Variants in LYPLAL1 observed in about 807,000 individuals in gnomAD.
LYPLAL1 encodes the protein lysophospholipase-like protein 1.
In LYPLAL1, 23 loss-of-function variants were observed where a neutral mutation model predicts 19.7. The observed-to-expected ratio is 1.17, with a 90% CI of 0.84 to 1.65. The LOEUF is 1.65. LYPLAL1 is among the 40% of genes most tolerant of loss of function. The pLI, the probability that LYPLAL1 is intolerant of heterozygous loss-of-function variation, is 0.00. For missense variants in LYPLAL1, 355 were observed against 279.4 expected (o/e 1.27, Z -1.93); for synonymous variants, 119 against 96.3 (o/e 1.24, Z -1.38).
the LYPLAL1 span, among the ~76,000 whole-genome samples, chr1:219,286,080 A>C: frequency 6.6e-6 from 1 of 152,148 alleles, no homozygotes; most frequent in Admixed American, 6.5e-5. Context: ...CAAGCAGATA[A>C]CTGAAGCTCT....
intron 3 of LYPLAL1, chr1:219,198,463 T>G (rs1657796564): frequency 6.6e-6 from 1 of 152,044 alleles, no homozygotes; most frequent in Non-Finnish European, 1.5e-5. Context: ...GTAATTAAGA[T>G]TTTATCATGA....
the LYPLAL1 span, among the ~76,000 whole-genome samples, chr1:219,395,457 C>T: frequency 0.11 from 16,391 of 152,044 alleles, 1,237 homozygotes; most frequent in Non-Finnish European, 0.17. Flanking sequence ...CCTTTGCCCA[C>T]TTTTTAGTGG....
chr1:219,334,666 A>G, the LYPLAL1 span, among the ~76,000 whole-genome samples: 7 of 152,092 alleles, frequency 4.6e-5, no homozygotes, highest in East Asian at 1.2e-3. Flanking sequence ...CCGGCATCTA[A>G]TATAATCCTT....
chr1:219,402,858 T>A, the LYPLAL1 span, among the ~76,000 whole-genome samples: 1 of 152,204 alleles, frequency 6.6e-6, no homozygotes, highest in East Asian at 1.9e-4. Context: ...AGAAAAGGGT[T>A]ATTATGTTTT....
At chr1:219,293,069 G>T in the LYPLAL1 span, among the ~76,000 whole-genome samples, 1 of 152,176 alleles carries the variant, frequency 6.6e-6, no homozygotes, top group African/African-American at 2.4e-5. Flanking sequence ...AAGGAAACCA[G>T]TTCTACTGCG....
chr1:219,284,785 G>C, the LYPLAL1 span, among the ~76,000 whole-genome samples: 1 of 152,222 alleles, frequency 6.6e-6, no homozygotes, highest in Non-Finnish European at 1.5e-5. Context: ...AGTTGGGGCT[G>C]GCTCCCAGGC....
chr1:219,279,750 A>G, the LYPLAL1 span, among the ~76,000 whole-genome samples: 2 of 152,160 alleles, frequency 1.3e-5, no homozygotes, highest in Admixed American at 6.6e-5. Context: ...TCACAACAGT[A>G]TTTTCAACTA....
At chr1:219,367,953 T>TG in the LYPLAL1 span, among the ~76,000 whole-genome samples, 1 of 151,870 alleles carries the variant, frequency 6.6e-6, no homozygotes, top group African/African-American at 2.4e-5. Flanking sequence ...CAATTTTTTT[T>TG]TTTTTTTGGT....
the LYPLAL1 span, chr1:219,222,221 C>G: frequency 6.6e-6 from 1 of 152,144 alleles, no homozygotes; most frequent in South Asian, 2.1e-4. Flanking sequence ...GAGAGTGACA[C>G]TATGCAGTAA....
chr1:219,351,772 A>G, the LYPLAL1 span, among the ~76,000 whole-genome samples: 6 of 152,246 alleles, frequency 3.9e-5, no homozygotes, highest in African/African-American at 1.4e-4. Context: ...AAATACAAAC[A>G]ATTAATTAGG....
the LYPLAL1 span, among the ~76,000 whole-genome samples, chr1:219,383,400 C>CT: frequency 6.6e-6 from 1 of 152,178 alleles, no homozygotes. Context: ...ATTTATGACA[C>CT]TTTAACTAAT....
the LYPLAL1 span, among the ~76,000 whole-genome samples, chr1:219,310,303 CCTCATTTT>C: frequency 6.6e-6 from 1 of 152,122 alleles, no homozygotes; most frequent in Non-Finnish European, 1.5e-5. Context: ...GTTTTTACTC[CCTCATTTT>C]CTCACATGCA....
At chr1:219,384,300 T>C in the LYPLAL1 span, among the ~76,000 whole-genome samples, 1 of 152,236 alleles carries the variant, frequency 6.6e-6, no homozygotes, top group Non-Finnish European at 1.5e-5. Context: ...GTGATACTCT[T>C]GCCAGTTTTT....
intron 1 of LYPLAL1, 157 bp downstream of exon 1, chr1:219,174,138 G>A (rs1182515866): frequency 2.8e-6 from 4 of 1,450,564 alleles, no homozygotes; most frequent in Non-Finnish European, 3.6e-6. Flanking sequence ...CACGGGCAGC[G>A]CCACCTGCCC....
chr1:219,314,001 C>T, the LYPLAL1 span, among the ~76,000 whole-genome samples: 1 of 152,158 alleles, frequency 6.6e-6, no homozygotes, highest in Non-Finnish European at 1.5e-5. Context: ...CAAGTGGGCC[C>T]CAGTGTCTGT....
the LYPLAL1 span, among the ~76,000 whole-genome samples, chr1:219,250,174 C>G: frequency 6.6e-6 from 1 of 152,030 alleles, no homozygotes; most frequent in African/African-American, 2.4e-5. Context: ...GATCTATATT[C>G]TATATAATTT....
At chr1:219,180,089 C>G (rs545199468) in intron 2 of LYPLAL1, among the ~76,000 whole-genome samples, 3 of 152,128 alleles carry the variant, frequency 2.0e-5, no homozygotes, top group Admixed American at 6.5e-5. Flanking sequence ...CTTTGCCTCC[C>G]AAGTTCAAAG....
intron 1 of LYPLAL1, among the ~76,000 whole-genome samples, chr1:219,175,385 C>G (rs1048192565): frequency 6.6e-6 from 1 of 152,144 alleles, no homozygotes; most frequent in African/African-American, 2.4e-5. Flanking sequence ...ACTGGTAGTA[C>G]TATTTAGGGC....
chr1:219,294,867 A>C, the LYPLAL1 span, among the ~76,000 whole-genome samples: 1 of 152,226 alleles, frequency 6.6e-6, no homozygotes, highest in Non-Finnish European at 1.5e-5. Context: ...CAGAGGCTTC[A>C]ATGAATCCTT....
Sources: allele counts gnomAD v4.1 joint callset (sites outside exome capture counted in the v4.1 genomes callset), GRCh38; gene constraint gnomAD v4.1.1; transcripts MANE v1.5; gene names NCBI Gene and HGNC (gene_info 2026-07-23, HGNC 2026-07-21).